LIMD1: variants seen among roughly 807,000 people sequenced by gnomAD.
The protein encoded by LIMD1 is LIM domain containing 1.
Under a neutral mutation model 58.4 loss-of-function variants are expected in LIMD1, and 23 were observed. That is an observed-to-expected ratio of 0.39 (90% confidence interval 0.28 to 0.56). LIMD1 has a LOEUF of 0.56. Ranked by LOEUF, LIMD1 falls within the 20% of genes least tolerant of loss-of-function variation. The pLI, the probability that LIMD1 is intolerant of heterozygous loss-of-function variation, is 0.57. For synonymous variants in LIMD1, 334 were observed against 345.5 expected (o/e 0.97, Z 0.37); for missense variants, 838 against 855.5 (o/e 0.98, Z 0.25).
At chr3:45,631,460 C>T (rs3774673) in intron 1 of LIMD1, among the ~76,000 whole-genome samples, 6,074 of 152,204 alleles carry the variant, frequency 0.04, 154 homozygotes, top group East Asian at 0.14. Context: ...TTCCTACCTA[C>T]TTGGCTTCTT....
rs1311587097 is a variant in LIMD1, at chr3:45,683,137, G to C, written c.*6078G>C. 6.6e-6 allele frequency: 1 copy of C among 152,138 alleles called. No individual in the cohort carries two copies. Among genetic ancestry groups the C allele is most frequent in the East Asian group, 1.9e-4 (1 of 5,186 alleles). The allele number at this position is 152,138 out of a possible 1,614,324, so 9.4% of individuals were successfully genotyped here. ...GGATTACGCCCATCCAGATAATCTA[G>C]AATAATCTCCCATTTTGTGATTCTT... On this transcript the variant is annotated 3_prime_UTR_variant, in exon 8 of 8. Coordinates refer to ENST00000273317, the MANE Select transcript of LIMD1 (RefSeq NM_014240.3).
intron 1 of LIMD1, among the ~76,000 whole-genome samples, chr3:45,620,057 G>A (rs1701615922): frequency 6.6e-6 from 1 of 152,084 alleles, no homozygotes; most frequent in Non-Finnish European, 1.5e-5. Context: ...CTGATGTCAA[G>A]AGTGGGTATG....
chr3:45,649,409 C>A (rs111577214), intron 2 of LIMD1, among the ~76,000 whole-genome samples: 1 of 151,328 alleles, frequency 6.6e-6, no homozygotes, highest in Admixed American at 6.6e-5. Context: ...TGGCTGGGCG[C>A]GGTGGCTCAC....
Position 45,595,023 on chromosome 3 carries a change from C to T in LIMD1, c.144C>T (p.Phe48=), listed in dbSNP as rs143204461. 194 of 1,613,876 alleles carry T rather than the reference C, an allele frequency of 1.2e-4. 1 individual carries two copies. The highest frequency in any genetic ancestry group is 1.6e-4 in the Non-Finnish European group (190 of 1,180,012). ...NPEFEETRRV[F]ATKMAKIHLQ... is the part of the protein sequence containing the mutation. ...AGTTTGAGGAAACTCGCAGGGTGTT[C>T]GCCACCAAGATGGCCAAAATCCACC... The change falls in exon 1 of 8, where the codon TTC becomes TTT. Residue 48 remains phenylalanine, a synonymous_variant. Transcript: ENST00000273317.
chr3:45,609,551 C>A (rs996037043), intron 1 of LIMD1, among the ~76,000 whole-genome samples: 1 of 152,150 alleles, frequency 6.6e-6, no homozygotes. Context: ...GCTCCAGATT[C>A]CTGAAGCTGG....
chr3:45,669,436 A>C (rs1160831752), intron 4 of LIMD1, among the ~76,000 whole-genome samples: 1 of 152,178 alleles, frequency 6.6e-6, no homozygotes, highest in African/African-American at 2.4e-5. Context: ...TTTATTGAGA[A>C]ATAACTCATA....
At chr3:45,655,055 G>T (rs944654395) in intron 2 of LIMD1, among the ~76,000 whole-genome samples, 6 of 151,754 alleles carry the variant, frequency 4.0e-5, no homozygotes, top group African/African-American at 1.2e-4. Context: ...GAGTAGCTGG[G>T]ATTACAGGCT....
chr3:45,676,141 C>T (rs1170089960), intron 7 of LIMD1, among the ~76,000 whole-genome samples: 1 of 152,042 alleles, frequency 6.6e-6, no homozygotes, highest in Non-Finnish European at 1.5e-5. Flanking sequence ...ACTTGGGAGG[C>T]TGAGACAGGA....
At chr3:45,669,578 A>G (rs1395300496) in intron 4 of LIMD1, among the ~76,000 whole-genome samples, 1 of 151,962 alleles carries the variant, frequency 6.6e-6, no homozygotes, top group East Asian at 1.9e-4. Context: ...GTCTATTCCC[A>G]CTCAAGACCC....
chr3:45,671,608 A>G (rs962153397), intron 4 of LIMD1, among the ~76,000 whole-genome samples: 5 of 152,232 alleles, frequency 3.3e-5, no homozygotes, highest in Non-Finnish European at 5.9e-5. Context: ...AAATTATAGA[A>G]AAAACCCAGA....
intron 1 of LIMD1, among the ~76,000 whole-genome samples, chr3:45,630,725 G>A (rs1035825511): frequency 6.6e-6 from 1 of 152,032 alleles, no homozygotes; most frequent in Non-Finnish European, 1.5e-5. Context: ...GGGGGTTGGG[G>A]GGCATGTGTG....
At position 45,685,004 on chromosome 3, in the gene LIMD1, A is replaced by G. The variant is rs1238437019; in HGVS notation, c.*7945A>G. 1 of 152,122 alleles carries G rather than the reference A, an allele frequency of 6.6e-6. No individual in the cohort carries two copies. The highest frequency in any genetic ancestry group is 2.4e-5 in the African/African-American group (1 of 41,410). The allele number at this position is 152,122 out of a possible 1,614,324, so 9.4% of individuals were successfully genotyped here. ...CTATCTGCCTAAATTTTTTTTAACT[A>G]CTATATTAAAAGGTCTGTAAGTGGG... On this transcript the variant is annotated 3_prime_UTR_variant, in exon 8 of 8. Coordinates refer to ENST00000273317, the MANE Select transcript of LIMD1 (RefSeq NM_014240.3).
chr3:45,673,546 ACATGAATATCTCCCTGGGCT>A (rs1179379535), intron 6 of LIMD1, 41 bp downstream of exon 6: 1 of 1,442,636 alleles, frequency 6.9e-7, no homozygotes, highest in Admixed American at 1.7e-5. Flanking sequence ...GGCTTCTAAG[ACATGAATATCTCCCTGGGCT>A]CATTTACAAG....
chr3:45,662,184 A>G (rs1307972384), intron 2 of LIMD1, among the ~76,000 whole-genome samples: 3 of 151,890 alleles, frequency 2.0e-5, no homozygotes, highest in African/African-American at 7.3e-5. Flanking sequence ...TACTTGAGTT[A>G]TTTTCATATT....
At chr3:45,617,474 C>T (rs1408428402) in intron 1 of LIMD1, among the ~76,000 whole-genome samples, 1 of 152,178 alleles carries the variant, frequency 6.6e-6, no homozygotes, top group Non-Finnish European at 1.5e-5. Flanking sequence ...TGAACCCTGC[C>T]CAGTGCCCTA....
chr3:45,640,188 T>A (rs2125659849), intron 2 of LIMD1, among the ~76,000 whole-genome samples: 1 of 152,374 alleles, frequency 6.6e-6, no homozygotes, highest in East Asian at 1.9e-4. Flanking sequence ...CTTGTCCCTG[T>A]CTTATCACTT....
intron 4 of LIMD1, 141 bp from the exon 5 acceptor site, chr3:45,672,549 C>A: frequency 1.1e-6 from 1 of 894,802 alleles, no homozygotes; most frequent in Non-Finnish European, 1.7e-6. Context: ...TCACCTCTTG[C>A]TCTTCTCCTA....
intron 3 of LIMD1, 30 bp from the exon 4 acceptor site, chr3:45,668,264 G>T (rs779213821): frequency 1.4e-5 from 23 of 1,594,520 alleles, no homozygotes; most frequent in Non-Finnish European, 1.8e-5. Flanking sequence ...ACCAGTCTGG[G>T]TTTAACTTTC....
chr3:45,607,665 C>T (rs905297767), intron 1 of LIMD1, among the ~76,000 whole-genome samples: 7 of 128,138 alleles, frequency 5.5e-5, no homozygotes, highest in African/African-American at 2.0e-4. Flanking sequence ...ACTTAGAGGA[C>T]CTAGTGGGTA....
Sources: gnomAD v4.1 joint callset for allele counts (sites outside exome capture counted in the v4.1 genomes callset) on GRCh38, gnomAD v4.1.1 for gene constraint, MANE v1.5 for transcripts, NCBI Gene and HGNC (gene_info 2026-07-23, HGNC 2026-07-21) for gene names.